COMP: variants seen among roughly 807,000 people sequenced by gnomAD.
COMP encodes cartilage oligomeric matrix protein.
Under a neutral mutation model 95.8 loss-of-function variants are expected in COMP, and 79 were observed. The ratio of observed to expected loss-of-function variants is 0.82; its 90% CI spans 0.69 to 0.99. The LOEUF (loss-of-function observed/expected upper bound fraction) is 0.99. Among genes scored for constraint, COMP ranks in the 50% least tolerant of loss-of-function variants. The probability of loss-of-function intolerance (pLI) is 0.00; values close to 1 mark genes in which losing one functional copy is unlikely to be tolerated. For missense variants in COMP, 906 were observed against 1,076.1 expected (o/e 0.84, Z 2.21); for synonymous variants, 438 against 433.9 (o/e 1.01, Z -0.12).
Position 18,786,085 on chromosome 19 carries a change from C to T in COMP, c.1369G>A (p.Glu457Lys). Residue 457 changes from glutamate to lysine, a missense_variant, in exon 13 of 19, where the codon GAG becomes AAG. Transcript: ENST00000222271. The stretch of plus-strand genomic sequence containing the variant: ...CCCTGGCCATCGTGGTCTGAGTCCT[C>T]CTGGGCACTGTTAGGCACCGTGGGA... ...NCPTVPNSAQ[E>K]DSDHDGQGDA... 2 of 1,614,120 alleles carry T rather than the reference C, an allele frequency of 1.2e-6. No individual in the cohort carries two copies. The highest frequency in any genetic ancestry group is 1.7e-6 in the Non-Finnish European group (2 of 1,180,052).
In COMP at chr19:18,789,007, C is replaced by G; in HGVS notation, c.529-94G>C. 1 of 1,548,768 alleles carries G rather than the reference C, an allele frequency of 6.5e-7. No individual in the cohort carries two copies. The highest frequency in any genetic ancestry group is 8.8e-7 in the Non-Finnish European group (1 of 1,137,246). ...TTCCTCCGCATCCTGCCTCTCCCCT[C>G]CATCCTGCCCCAAACCGATCAGCCC... On this transcript the variant is annotated intron_variant, in intron 5 of 18. Transcript: ENST00000222271. The surrounding 1 kb of genome is among the most constrained non-coding windows in gnomAD (Gnocchi z 6.1).
rs2055195057 is a variant in COMP at position 18,789,549 on chromosome 19, A to AG, written c.391-253dup. ...GGATGAGGGCGGGCATCCCCAGCAGAGGGGGGCAGGGGTCGTCGGGGCGTG... is the reference window on the plus strand; with the variant it reads ...GGATGAGGGCGGGCATCCCCAGCAGAGGGGGGGCAGGGGTCGTCGGGGCGTG... On this transcript the variant is annotated intron_variant, in intron 4 of 18. Coordinates refer to ENST00000222271, the MANE Select transcript of COMP (RefSeq NM_000095.3). This position sits in a 1 kb window ranked among gnomAD's most constrained non-coding sequence, Gnocchi z 6.1. Among the ~76,000 whole-genome samples the AG allele has an allele frequency of 7.1e-6, 1 of 140,732 alleles. No homozygotes were observed. The highest frequency in any genetic ancestry group is 6.9e-5 in the Admixed American group (1 of 14,398). 92.3% of individuals were successfully genotyped at this position (140,732 alleles called of 152,430 possible).
Position 18,785,666 on chromosome 19 carries a change from C to A in COMP, c.1668+7G>T. The A allele has an allele frequency of 1.2e-6, 2 of 1,613,462 alleles. No homozygotes were observed. The highest frequency in any genetic ancestry group is 1.7e-6 in the Non-Finnish European group (2 of 1,180,026). Reference sequence around the variant, plus strand: ...CCCATCACCCCCCACGTGGACCCCGCTCCCACCTGGTTGAGCACCACCCAG... The same window carrying A: ...CCCATCACCCCCCACGTGGACCCCGATCCCACCTGGTTGAGCACCACCCAG... On this transcript the variant is annotated splice_region_variant and intron_variant, in intron 14 of 18. Coordinates refer to ENST00000222271, the MANE Select transcript of COMP (RefSeq NM_000095.3).
chr19:18,786,538 C>A lies in COMP; in HGVS notation c.1248G>T (p.Pro416=). The change falls in exon 11 of 19, where the codon CCG becomes CCT. Residue 416 remains proline, a synonymous_variant. Coordinates refer to ENST00000222271, the MANE Select transcript of COMP (RefSeq NM_000095.3). The part of the protein sequence containing the change: ...ACDNCPQKSN[P]DQADVDHDFV... ...GAGTCTGGCCTGCCCTCACCTGATC[C>A]GGGTTGCTCTTCTGGGGACAGTTGT... The A allele has an allele frequency of 6.2e-7, 1 of 1,613,724 alleles. No individual in the cohort carries two copies. The highest frequency in any genetic ancestry group is 1.1e-5 in the South Asian group (1 of 91,070).
rs1486998074 is a variant in COMP, at chr19:18,786,073, G to A, written c.1381C>T (p.His461Tyr). The A allele has an allele frequency of 6.2e-7, 1 of 1,614,048 alleles. No individual in the cohort carries two copies. Among genetic ancestry groups the A allele is most frequent in the East Asian group, 2.2e-5 (1 of 44,874 alleles). The stretch of plus-strand genomic sequence containing the variant: ...TCGCAGGCATCACCCTGGCCATCGT[G>A]GTCTGAGTCCTCCTGGGCACTGTTA... Reference protein sequence around the residue: ...VPNSAQEDSDHDGQGDACDDD... With the variant: ...VPNSAQEDSDYDGQGDACDDD... The change falls in exon 13 of 19, where the codon CAC (histidine) becomes TAC (tyrosine). Residue 461 changes from histidine (H) to tyrosine (Y), a missense_variant. By Grantham distance (83) the His-to-Tyr change is moderately conservative. Coordinates refer to ENST00000222271, the MANE Select transcript of COMP (RefSeq NM_000095.3).
In COMP at chr19:18,783,115, C is replaced by G. The variant is rs1468321118; in HGVS notation, c.2166G>C (p.Leu722=). The G allele has an allele frequency of 1.2e-6, 2 of 1,611,480 alleles. No homozygotes were observed. Among genetic ancestry groups the G allele is most frequent in the Non-Finnish European group, 1.7e-6 (2 of 1,179,996 alleles). ...TCTCCTGGGAGAAGCAGAAGACCCC[C>G]AGGCGGCCACCCCGCATGGTTGTGT... is the stretch of plus-strand genomic sequence containing the variant. The part of the protein sequence containing the change: ...VLDTTMRGGR[L]GVFCFSQENI... Residue 722 remains leucine (L), a synonymous_variant, in exon 18 of 19, where the codon CTG becomes CTC. Transcript: ENST00000222271.
At position 18,787,864 on chromosome 19, in the gene COMP, C is replaced by CTTTTTCTTTTTCTTTT. The variant is rs56093208; in HGVS notation, c.976-215_976-214insAAAAGAAAAAGAAAAA. 2.2e-3 allele frequency among the ~76,000 whole-genome samples: 241 copies of CTTTTTCTTTTTCTTTT among 108,888 alleles called. 5 individuals carry two copies. Among genetic ancestry groups the CTTTTTCTTTTTCTTTT allele is most frequent in the African/African-American group, 5.9e-3 (170 of 28,712 alleles). 71.4% of individuals were successfully genotyped at this position (108,888 alleles called of 152,430 possible). ...TCTTTTCTTTTTTCTTTTTCTTTTT[C>CTTTTTCTTTTTCTTTT]TCTTTCTTTCTTTCTTTCTTTCTTT... On this transcript the variant is annotated intron_variant, in intron 9 of 18. Coordinates refer to ENST00000222271, the MANE Select transcript of COMP (RefSeq NM_000095.3).
Position 18,791,214 on chromosome 19 carries a change from G to T in COMP, c.56C>A (p.Ser19Tyr). 1.3e-6 allele frequency: 2 copies of T among 1,593,230 alleles called. No homozygotes were observed. Among genetic ancestry groups the T allele is most frequent in the South Asian group, 1.1e-5 (1 of 87,592 alleles). Residue 19 changes from serine (S) to tyrosine (Y), a missense_variant, in exon 1 of 19, where the codon TCC (serine) becomes TAC (tyrosine). Transcript: ENST00000222271. ...ACCCAACGGGCTCTGGCCCTGTCCG[G>T]ACGCGCCGAGGGCAGCCAGGGTGAG... Reference protein sequence around the residue: ...LLLTLAALGASGQGQSPLGSD... With the variant: ...LLLTLAALGAYGQGQSPLGSD...
Position 18,788,808 on chromosome 19 carries a change from C to G in COMP, c.603+31G>C. ...CGCCCGCCGCTCGCCCCACCTCCCG[C>G]GATCCTTTCTTCCTCCCCAGCGGGC... is the stretch of plus-strand genomic sequence containing the variant. On this transcript the variant is annotated intron_variant, in intron 6 of 18. Transcript: ENST00000222271. This position sits in a 1 kb window ranked among gnomAD's most constrained non-coding sequence, Gnocchi z 4.7. 1.9e-6 allele frequency: 3 copies of G among 1,612,338 alleles called. No individual in the cohort carries two copies. The highest frequency in any genetic ancestry group is 2.5e-6 in the Non-Finnish European group (3 of 1,179,494).
chr19:18,785,942 C>T (rs1018789643), intron 13 of COMP, 23 bp downstream of exon 13: 2 of 1,572,922 alleles, frequency 1.3e-6, no homozygotes, highest in Non-Finnish European at 1.7e-6. Context: ...CCGCCCCCAC[C>T]GCAGGCCCCG....
At position 18,789,143 on chromosome 19, in the gene COMP, G is replaced by A. The variant is rs1327745641; in HGVS notation, c.528+17C>T. 1 of 1,586,996 alleles carries A rather than the reference G, an allele frequency of 6.3e-7. No individual in the cohort carries two copies. Among genetic ancestry groups the A allele is most frequent in the Non-Finnish European group, 8.6e-7 (1 of 1,169,374 alleles). On this transcript the variant is annotated intron_variant, in intron 5 of 18. Transcript: ENST00000222271. This position sits in a 1 kb window ranked among gnomAD's most constrained non-coding sequence, Gnocchi z 6.1. ...CCTTCCCTTCTGCTCCAAAAATGGG[G>A]CCCCCACACCTCTCACCTGCTTGTT...
intron 10 of COMP, 111 bp from the exon 11 acceptor site, chr19:18,786,761 AGCTTTT>A: frequency 5.5e-6 from 2 of 365,954 alleles, no homozygotes; most frequent in Non-Finnish European, 4.8e-6. Flanking sequence ...ACTTCATGGA[AGCTTTT>A]TTTTTTTTTT....
In COMP at chr19:18,783,120, G is replaced by A. The variant is rs755950559; in HGVS notation, c.2161C>T (p.Arg721Cys). ...TGGGAGAAGCAGAAGACCCCCAGGC[G>A]GCCACCCCGCATGGTTGTGTCCAAG... ...VVLDTTMRGG[R>C]LGVFCFSQEN... The change falls in exon 18 of 19, where the codon CGC becomes TGC. Residue 721 changes from arginine (R) to cysteine (C), a missense_variant. Transcript: ENST00000222271. 27 of 1,611,188 alleles carry A rather than the reference G, an allele frequency of 1.7e-5. No individual in the cohort carries two copies. Among genetic ancestry groups the A allele is most frequent in the African/African-American group, 4.0e-5 (3 of 74,934 alleles).
rs1167874341 is a variant in COMP, at chr19:18,784,342, G to T, written c.1936C>A (p.Pro646Thr). ...QLKAVKSSTG[P>T]GEQLRNALWH... Reference sequence around the variant, plus strand: ...AGAGCGTTCCGCAGCTGTTCCCCGGGGCCTGTGGAAGACTTCACAGCCTGC... The same window carrying T: ...AGAGCGTTCCGCAGCTGTTCCCCGGTGCCTGTGGAAGACTTCACAGCCTGC... The change falls in exon 17 of 19, where the codon CCC becomes ACC. Residue 646 changes from proline (P) to threonine (T), a missense_variant. Pro to Thr is a conservative substitution (Grantham distance 38). Transcript: ENST00000222271. The surrounding 1 kb of genome is among the most constrained non-coding windows in gnomAD (Gnocchi z 4.9). The T allele has an allele frequency of 6.2e-7, 1 of 1,613,996 alleles. No individual in the cohort carries two copies. Among genetic ancestry groups the T allele is most frequent in the East Asian group, 2.2e-5 (1 of 44,886 alleles).
chr19:18,785,462 C>A, intron 15 of COMP, 36 bp downstream of exon 15: 2 of 1,612,170 alleles, frequency 1.2e-6, no homozygotes, highest in Non-Finnish European at 1.7e-6. Flanking sequence ...CCTGAGCCCG[C>A]TCCGTGGCAG....
Position 18,789,209 on chromosome 19 carries a change from C to T in COMP, c.479G>A (p.Gly160Asp). Residue 160 changes from glycine to aspartate, a missense_variant, in exon 5 of 19, where the codon GGC becomes GAC. Physicochemically the swap from Gly to Asp is moderately conservative, Grantham distance 94 (BLOSUM62 -1). Coordinates refer to ENST00000222271, the MANE Select transcript of COMP (RefSeq NM_000095.3). This position sits in a 1 kb window ranked among gnomAD's most constrained non-coding sequence, Gnocchi z 6.1. ...RCEACPPGYS[G>D]PTHQGVGLAF... is the part of the protein sequence containing the mutation. Reference sequence around the variant, plus strand: ...CAGCCCCACGCCCTGGTGGGTGGGGCCGCTGTACCCCGGCGGGCAAGCCTC... The same window carrying T: ...CAGCCCCACGCCCTGGTGGGTGGGGTCGCTGTACCCCGGCGGGCAAGCCTC... 1 of 1,544,198 alleles carries T rather than the reference C, an allele frequency of 6.5e-7. No homozygotes were observed. The highest frequency in any genetic ancestry group is 1.4e-5 in the African/African-American group (1 of 72,022).
In COMP at chr19:18,790,628, T is replaced by G; in HGVS notation, c.166-15A>C. The G allele has an allele frequency of 6.2e-7, 1 of 1,613,888 alleles. No individual in the cohort carries two copies. On this transcript the variant is annotated splice_polypyrimidine_tract_variant and intron_variant, in intron 2 of 18. Coordinates refer to ENST00000222271, the MANE Select transcript of COMP (RefSeq NM_000095.3). ...ATCTCCCTGACCTGCAGGGGTGGGA[T>G]GGAATCAGCGGGGTCCCAACCTCTC...
rs774980274 is a variant in COMP at position 18,785,541 on chromosome 19, C to T, written c.1674G>A (p.Arg558=). The T allele has an allele frequency of 1.2e-6, 2 of 1,614,084 alleles. No homozygotes were observed. Among genetic ancestry groups the T allele is most frequent in the Admixed American group, 1.7e-5 (1 of 60,034 alleles). Residue 558 remains arginine, a synonymous_variant, in exon 15 of 19, where the codon AGG becomes AGA. Transcript: ENST00000222271. ...DPNWVVLNQG[R]EIVQTMNSDP... ...CGCTGTTCATTGTCTGCACGATCTC[C>T]CTTCCCTGATGGGGTCAAAGAAAGG...
In COMP at chr19:18,789,880, G is replaced by A; in HGVS notation, c.390+62C>T. 1 of 1,565,054 alleles carries A rather than the reference G, an allele frequency of 6.4e-7. No homozygotes were observed. Among genetic ancestry groups the A allele is most frequent in the Non-Finnish European group, 8.6e-7 (1 of 1,156,632 alleles). ...AGTGGAGGAAGGGGTCTCCCGGGCG[G>A]CGAGAGATTGGGGGGCGGTAGAGGG... On this transcript the variant is annotated intron_variant, in intron 4 of 18. Transcript: ENST00000222271. The surrounding 1 kb of genome is among the most constrained non-coding windows in gnomAD (Gnocchi z 6.1).
Sources: allele counts gnomAD v4.1 joint callset (sites outside exome capture counted in the v4.1 genomes callset), GRCh38; gene constraint gnomAD v4.1.1; non-coding constraint Gnocchi (gnomAD v3.1); transcripts MANE v1.5; gene names NCBI Gene and HGNC (gene_info 2026-07-23, HGNC 2026-07-21).